SAMD7: variants seen among roughly 807,000 people sequenced by gnomAD.
SAMD7 encodes sterile alpha motif domain containing 7.
In SAMD7, 34 loss-of-function variants were observed where a neutral mutation model predicts 36.7. That is an observed-to-expected ratio of 0.93 (90% confidence interval 0.71 to 1.23). SAMD7 has a LOEUF of 1.23. Ranked by LOEUF, SAMD7 falls within the 50% of genes most tolerant of loss-of-function variation. The pLI, the probability that SAMD7 is intolerant of heterozygous loss-of-function variation, is 0.00. For missense variants in SAMD7, 570 were observed against 546.6 expected (o/e 1.04, Z -0.43); for synonymous variants, 188 against 189.7 (o/e 0.99, Z 0.07).
Position 169,919,543 on chromosome 3 carries a change from C to A in SAMD7, c.45C>A (p.Ile15=). The part of the protein sequence containing the change: ...PLLTPTGQQT[I]PLIPSPFGPP... ...TGACACCAACAGGGCAGCAGACAATCCCACTGATCCCCTCACCATTTGGGC... is the reference window on the plus strand; with the variant it reads ...TGACACCAACAGGGCAGCAGACAATACCACTGATCCCCTCACCATTTGGGC... Residue 15 remains isoleucine, a synonymous_variant, in exon 3 of 9, where the codon ATC becomes ATA. Transcript: ENST00000335556. 1 of 1,614,142 alleles carries A rather than the reference C, an allele frequency of 6.2e-7. No individual in the cohort carries two copies.
chr3:169,915,642 C>T (rs940237544), intron 2 of SAMD7, among the ~76,000 whole-genome samples: 10 of 125,344 alleles, frequency 8.0e-5, no homozygotes, highest in Admixed American at 4.2e-4. Flanking sequence ...TGGAGTGCAG[C>T]GGTGCGATCT....
At chr3:169,936,149 GTTATT>G (rs541769578) in intron 7 of SAMD7, among the ~76,000 whole-genome samples, 185 bp from the exon 8 acceptor site, 49 of 152,236 alleles carry the variant, frequency 3.2e-4, no homozygotes, top group Admixed American at 7.8e-4. Flanking sequence ...GATTACAAAG[GTTATT>G]AAAGAGCACA....
intron 1 of SAMD7, among the ~76,000 whole-genome samples, chr3:169,914,188 G>A (rs1396465101): frequency 1.3e-5 from 2 of 152,168 alleles, no homozygotes; most frequent in African/African-American, 4.8e-5. Context: ...TGAGGAAGCT[G>A]TGCATGTGTG....
chr3:169,936,410 G>C lies in SAMD7; in HGVS notation c.1113G>C (p.Met371Ile). The change falls in exon 8 of 9, where the codon ATG becomes ATC. Residue 371 changes from methionine (M) to isoleucine (I), a missense_variant. Physicochemically the swap from Met to Ile is conservative, Grantham distance 10. Transcript: ENST00000335556. ...CAGAAGAGCATCTTCGAGGCACTAT[G>C]GGATTAAAGCTAGGGCCGGCACTAA... The part of the protein sequence containing the change: ...LLTEEHLRGT[M>I]GLKLGPALKI... 1 of 1,613,468 alleles carries C rather than the reference G, an allele frequency of 6.2e-7. No homozygotes were observed. Among genetic ancestry groups the C allele is most frequent in the Admixed American group, 1.7e-5 (1 of 60,028 alleles).
intron 1 of SAMD7, among the ~76,000 whole-genome samples, chr3:169,914,174 A>T (rs1712708869): frequency 2.6e-5 from 4 of 152,168 alleles, no homozygotes; most frequent in Admixed American, 2.6e-4. Context: ...CAGGATGTTG[A>T]TAGTGAGGAA....
intron 7 of SAMD7, chr3:169,933,050 T>C: frequency 2.3e-6 from 2 of 861,286 alleles, no homozygotes; most frequent in Non-Finnish European, 4.0e-6. Flanking sequence ...TAAAGAATGG[T>C]GTGCTGAAGT....
At chr3:169,927,259 T>G (rs1713309041) in intron 6 of SAMD7, 78 bp downstream of exon 6, 1 of 817,586 alleles carries the variant, frequency 1.2e-6, no homozygotes, top group African/African-American at 1.7e-5. Flanking sequence ...TAATAAACTG[T>G]AACCATCCTG....
chr3:169,914,474 G>C (rs1712720018), intron 1 of SAMD7, among the ~76,000 whole-genome samples: 1 of 152,198 alleles, frequency 6.6e-6, no homozygotes, highest in African/African-American at 2.4e-5. Flanking sequence ...AGGAGCTGCA[G>C]ATGCCAATGA....
At chr3:169,923,829 G>T (rs946185491) in intron 4 of SAMD7, among the ~76,000 whole-genome samples, 4 of 152,214 alleles carry the variant, frequency 2.6e-5, no homozygotes, top group African/African-American at 9.7e-5. Context: ...TAGCAAAATA[G>T]AAACTAAGAC....
rs773862316 is a variant in SAMD7, at chr3:169,926,780, T to A, written c.518T>A (p.Phe173Tyr). 3 of 1,613,592 alleles carry A rather than the reference T, an allele frequency of 1.9e-6. No individual in the cohort carries two copies. The highest frequency in any genetic ancestry group is 2.5e-6 in the Non-Finnish European group (3 of 1,179,926). Reference protein sequence around the residue: ...NPMLAATAPHFEESWGQRCRR... With the variant: ...NPMLAATAPHYEESWGQRCRR... ...ATGCTAGCGGCAACTGCACCACACT[T>A]TGAGGAGAGCTGGGGGCAGAGATGT... Residue 173 changes from phenylalanine (F) to tyrosine (Y), a missense_variant, in exon 6 of 9, where the codon TTT (phenylalanine) becomes TAT (tyrosine). Phe to Tyr is a conservative substitution (Grantham distance 22, BLOSUM62 3). Transcript: ENST00000335556.
intron 5 of SAMD7, 28 bp from the exon 6 acceptor site, chr3:169,926,525 T>C (rs1408947874): frequency 6.4e-7 from 1 of 1,569,302 alleles, no homozygotes; most frequent in South Asian, 1.2e-5. Flanking sequence ...TTTCTTGGGC[T>C]GTATAAAATA....
intron 2 of SAMD7, among the ~76,000 whole-genome samples, chr3:169,917,774 T>A (rs1468333035): frequency 6.6e-6 from 1 of 152,050 alleles, no homozygotes. Flanking sequence ...CCTGAGTAGC[T>A]GAGACTACAG....
At chr3:169,926,289 G>A in intron 5 of SAMD7, 3 of 1,383,272 alleles carry the variant, frequency 2.2e-6, no homozygotes, top group Non-Finnish European at 2.8e-6. Context: ...TGCTGCGTAA[G>A]CCCCATCCCT....
chr3:169,934,020 C>T (rs1289904311), intron 7 of SAMD7, among the ~76,000 whole-genome samples: 1 of 152,212 alleles, frequency 6.6e-6, no homozygotes, highest in Admixed American at 6.5e-5. Context: ...ATGGTTGGGA[C>T]TTTGAGAGTA....
intron 7 of SAMD7, chr3:169,933,315 A>G: frequency 2.7e-6 from 1 of 370,938 alleles, no homozygotes; most frequent in Non-Finnish European, 5.0e-6. Flanking sequence ...TATGAAATGG[A>G]TTGGAAATGG....
chr3:169,925,538 A>G (rs991965482), intron 5 of SAMD7, among the ~76,000 whole-genome samples: 3 of 152,172 alleles, frequency 2.0e-5, no homozygotes, highest in Non-Finnish European at 2.9e-5. Flanking sequence ...CAGCCTGGCC[A>G]AGATGGTGAA....
At chr3:169,916,519 G>A (rs989055131) in intron 2 of SAMD7, among the ~76,000 whole-genome samples, 1 of 152,134 alleles carries the variant, frequency 6.6e-6, no homozygotes, top group African/African-American at 2.4e-5. Context: ...GTGGTGGTGA[G>A]TGCCTGTAAT....
intron 2 of SAMD7, among the ~76,000 whole-genome samples, chr3:169,916,722 A>G (rs1020838501): frequency 6.6e-6 from 1 of 152,198 alleles, no homozygotes; most frequent in African/African-American, 2.4e-5. Flanking sequence ...GAGTAAGTTC[A>G]ATCTTCTGCT....
intron 7 of SAMD7, chr3:169,932,344 A>T (rs535473528): frequency 2.7e-4 from 183 of 684,568 alleles, no homozygotes; most frequent in Non-Finnish European, 4.9e-4. Context: ...AGCCTTACTG[A>T]TCCTTGAAAG....
Sources: allele counts gnomAD v4.1 joint callset (sites outside exome capture counted in the v4.1 genomes callset), GRCh38; gene constraint gnomAD v4.1.1; transcripts MANE v1.5; gene names NCBI Gene and HGNC (gene_info 2026-07-23, HGNC 2026-07-21).